ANKRD62: variants seen among roughly 807,000 people sequenced by gnomAD.
The protein encoded by ANKRD62 is ankyrin repeat domain-containing protein 62.
Under a neutral mutation model 98.8 loss-of-function variants are expected in ANKRD62, and 61 were observed. The ratio of observed to expected loss-of-function variants is 0.62; its 90% confidence interval spans 0.50 to 0.76. The LOEUF (loss-of-function observed/expected upper bound fraction) is 0.76, where lower values mean the gene tolerates loss of function less well. Ranked by LOEUF, ANKRD62 falls within the 30% of genes least tolerant of loss-of-function variation. The pLI is 0.00. For synonymous variants in ANKRD62, 341 were observed against 367.9 expected (o/e 0.93, Z 0.84); for missense variants, 933 against 1,082.9 (o/e 0.86, Z 1.94).
At position 12,095,304 on chromosome 18, in the gene ANKRD62, T is replaced by G; in HGVS notation, c.333+19T>G. 6.5e-7 allele frequency: 1 copy of G among 1,537,632 alleles called. No individual in the cohort carries two copies. Among genetic ancestry groups the G allele is most frequent in the South Asian group, 1.2e-5 (1 of 83,972 alleles). ...GATCAAGGTATATGGTAGCCAACTC[T>G]TTCAGCATGGGATGGATTTAATTTA... On this transcript the variant is annotated intron_variant, in intron 2 of 13. Coordinates refer to ENST00000587848, the MANE Select transcript of ANKRD62 (RefSeq NM_001277333.2).
Position 12,128,556 on chromosome 18 carries a change from C to G in ANKRD62, c.*617C>G, listed in dbSNP as rs1175453263. 2 of 152,188 alleles carry G rather than the reference C, an allele frequency of 1.3e-5. No individual in the cohort carries two copies. The highest frequency in any genetic ancestry group is 2.9e-5 in the Non-Finnish European group (2 of 68,032). The allele number at this position is 152,188 out of a possible 1,614,324, so 9.4% of individuals were successfully genotyped here. A position where few individuals can be genotyped will look rare whatever the true frequency, so the allele number is the denominator to read the frequency against. On this transcript the variant is annotated 3_prime_UTR_variant, in exon 14 of 14. Transcript: ENST00000587848. The stretch of plus-strand genomic sequence containing the variant: ...GTAGGTTTGAGATGTTTGGGTGGGT[C>G]AAGTGGGCATTTTGACAACGTGGCT...
the ANKRD62 span, among the ~76,000 whole-genome samples, chr18:12,157,445 TTTGA>T: frequency 6.6e-6 from 1 of 152,174 alleles, no homozygotes; most frequent in South Asian, 2.1e-4. Flanking sequence ...TCAGTAGGTC[TTTGA>T]TTATTTTTGA....
chr18:12,134,884 A>G, the ANKRD62 span, among the ~76,000 whole-genome samples: 3 of 152,130 alleles, frequency 2.0e-5, no homozygotes, highest in Non-Finnish European at 4.4e-5. Flanking sequence ...TTGGGTATAT[A>G]CCCAGTAATA....
intron 10 of ANKRD62, among the ~76,000 whole-genome samples, chr18:12,118,024 C>T (rs575942937): frequency 1.1e-4 from 16 of 152,276 alleles, no homozygotes; most frequent in African/African-American, 3.9e-4. Context: ...GTAACCCTCC[C>T]CTTAGTGGTA....
chr18:12,116,542 T>C (rs139979784), intron 10 of ANKRD62, among the ~76,000 whole-genome samples: 1,695 of 152,346 alleles, frequency 0.011, 31 homozygotes, highest in African/African-American at 0.039. Flanking sequence ...ATTATGTAGA[T>C]GCAAATATTC....
chr18:12,133,833 T>C (rs1910041114), downstream of ANKRD62, among the ~76,000 whole-genome samples: 1 of 152,156 alleles, frequency 6.6e-6, no homozygotes, highest in African/African-American at 2.4e-5. Context: ...ATTGTTTCTG[T>C]TTTAAAATTT....
At chr18:12,167,779 T>A in the ANKRD62 span, among the ~76,000 whole-genome samples, 1 of 152,224 alleles carries the variant, frequency 6.6e-6, no homozygotes, top group Non-Finnish European at 1.5e-5. Flanking sequence ...TTTCTCCATA[T>A]CCTCTCCAGC....
intron 7 of ANKRD62, 88 bp from the exon 8 acceptor site, chr18:12,107,207 T>C (rs901637831): frequency 1.1e-4 from 82 of 749,508 alleles, no homozygotes; most frequent in Non-Finnish European, 1.5e-4. Context: ...ACAGACTGAG[T>C]CAAGTGATTA....
At chr18:12,161,705 ATCCTTCTACTCTCTATCT>A in the ANKRD62 span, among the ~76,000 whole-genome samples, 6 of 152,086 alleles carry the variant, frequency 3.9e-5, no homozygotes, top group Non-Finnish European at 8.8e-5. Flanking sequence ...TCTGGCAACC[ATCCTTCTACTCTCTATCT>A]CCACAAGTGT....
At chr18:12,122,614 A>G (rs1453468019) in intron 11 of ANKRD62, 98 bp downstream of exon 11, 1 of 1,047,592 alleles carries the variant, frequency 9.5e-7, no homozygotes, top group Non-Finnish European at 1.3e-6. Flanking sequence ...AGGGTTTAAT[A>G]GAGAAGAAAA....
At chr18:12,141,489 G>T in the ANKRD62 span, among the ~76,000 whole-genome samples, 2 of 151,890 alleles carry the variant, frequency 1.3e-5, no homozygotes, top group Non-Finnish European at 2.9e-5. Context: ...AACTCCGTCA[G>T]GCCTCTTAGT....
rs531642204 is a variant in ANKRD62 at position 12,115,432 on chromosome 18, A to G, written c.1138A>G (p.Ile380Val). ...QIYFTDDLND[I>V]SGSSEKTSED... Reference sequence around the variant, plus strand: ...ATATTTCACGGATGACCTTAATGACATAAGTGGGTCATCTGAAAAAACCTC... The same window carrying G: ...ATATTTCACGGATGACCTTAATGACGTAAGTGGGTCATCTGAAAAAACCTC... Residue 380 changes from isoleucine (I) to valine (V), a missense_variant, in exon 10 of 14, where the codon ATA (isoleucine) becomes GTA (valine). By Grantham distance (29) the Ile-to-Val change is conservative. Coordinates refer to ENST00000587848, the MANE Select transcript of ANKRD62 (RefSeq NM_001277333.2). 9.8e-6 allele frequency: 15 copies of G among 1,536,986 alleles called. No homozygotes were observed. The highest frequency in any genetic ancestry group is 1.7e-4 in the Middle Eastern group (1 of 5,960).
chr18:12,181,337 T>G, the ANKRD62 span, among the ~76,000 whole-genome samples: 6 of 152,196 alleles, frequency 3.9e-5, no homozygotes, highest in Non-Finnish European at 5.9e-5. Flanking sequence ...AAAATATGAT[T>G]ATTGCAATAG....
the ANKRD62 span, among the ~76,000 whole-genome samples, chr18:12,139,858 G>A: frequency 2.0e-5 from 3 of 152,028 alleles, no homozygotes; most frequent in African/African-American, 7.2e-5. Flanking sequence ...TATCTTTGTG[G>A]CATTCTCTGT....
chr18:12,171,774 A>G, the ANKRD62 span, among the ~76,000 whole-genome samples: 1 of 152,158 alleles, frequency 6.6e-6, no homozygotes. Context: ...TTTCAGGTAC[A>G]CCACTCAGAC....
At chr18:12,141,439 G>A in the ANKRD62 span, among the ~76,000 whole-genome samples, 1 of 152,184 alleles carries the variant, frequency 6.6e-6, no homozygotes, top group Admixed American at 6.5e-5. Context: ...GCTCACACTG[G>A]GAGCTGTAGA....
At chr18:12,136,104 A>C in the ANKRD62 span, among the ~76,000 whole-genome samples, 4 of 152,144 alleles carry the variant, frequency 2.6e-5, no homozygotes, top group Admixed American at 2.6e-4. Context: ...TGTTTTAGTC[A>C]TGAAGTCCTT....
rs535480865 is a variant in ANKRD62, at chr18:12,103,283, C to G, written c.891+55C>G. 249 of 1,125,690 alleles carry G rather than the reference C, an allele frequency of 2.2e-4. 6 individuals are homozygous for G. In the South Asian group the frequency reaches 8.2e-3, roughly 37 times the overall value. The allele number at this position is 1,125,690 out of a possible 1,614,324, so 69.7% of individuals were successfully genotyped here. A position where few individuals can be genotyped will look rare whatever the true frequency, so the allele number is the denominator to read the frequency against. ...GTTTTCTTTGGTAATGTAGCATAATCCAAATGAAATTACTTTTGGACTAGC... is the reference window on the plus strand; with the variant it reads ...GTTTTCTTTGGTAATGTAGCATAATGCAAATGAAATTACTTTTGGACTAGC... On this transcript the variant is annotated intron_variant, in intron 7 of 13. Transcript: ENST00000587848.
chr18:12,140,221 C>T, the ANKRD62 span, among the ~76,000 whole-genome samples: 2 of 152,154 alleles, frequency 1.3e-5, no homozygotes, highest in South Asian at 4.1e-4. Context: ...GACTTCTCTG[C>T]ATTGGTTATT....
Sources: gnomAD v4.1 joint callset for allele counts (sites outside exome capture counted in the v4.1 genomes callset) on GRCh38, gnomAD v4.1.1 for gene constraint, MANE v1.5 for transcripts, NCBI Gene and HGNC (gene_info 2026-07-23, HGNC 2026-07-21) for gene names.